The following SNX27 variants were observed in gnomAD, a reference collection of about 807,000 sequenced individuals.
SNX27 encodes the protein sorting nexin 27, also known as sorting nexin-27.
Under a neutral mutation model 71.6 loss-of-function variants are expected in SNX27, and 22 were observed. The ratio of observed to expected loss-of-function variants is 0.31; its 90% CI spans 0.22 to 0.44. The LOEUF is 0.44. Among genes scored for constraint, SNX27 ranks in the 20% least tolerant of loss-of-function variants. The pLI is 1.00. For synonymous variants in SNX27, 269 were observed against 277.2 expected, an observed-to-expected ratio of 0.97 and a Z score of 0.29; for missense variants, 531 against 698.6, an observed-to-expected ratio of 0.76 and a Z score of 2.70.
rs2102695578 is a variant in SNX27 at position 151,668,599 on chromosome 1, T to C, written c.1113T>C (p.Asn371=). ...LFTTEEEILL[N]DNDLAVTYFF... is the part of the protein sequence containing the mutation. ...CAACAGAAGAAGAAATTCTCTTAAA[T>C]GACAATGACCTTGCTGTTACCTACT... The change falls in exon 7 of 12, where the codon AAT becomes AAC. Residue 371 remains asparagine, a synonymous_variant. Coordinates refer to ENST00000458013, the MANE Select transcript of SNX27 (RefSeq NM_001330723.2). 1 of 1,614,022 alleles carries C rather than the reference T, an allele frequency of 6.2e-7. No homozygotes were observed. Among genetic ancestry groups the C allele is most frequent in the East Asian group, 2.2e-5 (1 of 44,856 alleles).
At chr1:151,630,461 A>G (rs965337913) in intron 1 of SNX27, among the ~76,000 whole-genome samples, 3 of 152,168 alleles carry the variant, frequency 2.0e-5, no homozygotes, top group Non-Finnish European at 4.4e-5. Context: ...AGAAAATGCA[A>G]GCATTTTGGA....
At chr1:151,640,128 C>T (rs1668658548) in intron 2 of SNX27, among the ~76,000 whole-genome samples, 1 of 152,156 alleles carries the variant, frequency 6.6e-6, no homozygotes, top group African/African-American at 2.4e-5. Flanking sequence ...CTGTAATTAG[C>T]TGTAGATAAT....
chr1:151,651,133 G>A (rs1382536034), intron 2 of SNX27, among the ~76,000 whole-genome samples: 1 of 152,034 alleles, frequency 6.6e-6, no homozygotes, highest in Non-Finnish European at 1.5e-5. Context: ...TCCCAGACGG[G>A]GTGGTGGCCG....
intron 1 of SNX27, among the ~76,000 whole-genome samples, chr1:151,620,279 T>G (rs1240335817): frequency 6.6e-6 from 1 of 152,226 alleles, no homozygotes; most frequent in Non-Finnish European, 1.5e-5. Context: ...TAGCTGTGTG[T>G]GCATTAATAC....
chr1:151,693,781 G>C (rs1266499065), intron 11 of SNX27: 2 of 1,475,478 alleles, frequency 1.4e-6, no homozygotes, highest in Non-Finnish European at 1.8e-6. Flanking sequence ...TTTTAAATCA[G>C]ATCACCCTCC....
rs557796615 is a variant in SNX27 at position 151,698,911 on chromosome 1, A to G, written c.*4494A>G. The G allele has an allele frequency of 6.5e-6, 1 of 152,698 alleles. No homozygotes were observed. Among genetic ancestry groups the G allele is most frequent in the East Asian group, 1.9e-4 (1 of 5,182 alleles). 9.5% of individuals were successfully genotyped at this position (152,698 alleles called of 1,614,324 possible). A position where few individuals can be genotyped will look rare whatever the true frequency, so the allele number is the denominator to read the frequency against. On this transcript the variant is annotated 3_prime_UTR_variant, in exon 12 of 12. Coordinates refer to ENST00000458013, the MANE Select transcript of SNX27 (RefSeq NM_001330723.2). ...TTCACTGCAGTATCTTGTATTTTTTATTTGTGATTTAAGAAATGTGAAGAG... is the reference window on the plus strand; with the variant it reads ...TTCACTGCAGTATCTTGTATTTTTTGTTTGTGATTTAAGAAATGTGAAGAG...
intron 1 of SNX27, among the ~76,000 whole-genome samples, chr1:151,630,628 G>T (rs1558039671): frequency 6.6e-6 from 1 of 152,184 alleles, no homozygotes; most frequent in Non-Finnish European, 1.5e-5. Context: ...GTTTAAATCT[G>T]TTCAAGCTTC....
At chr1:151,692,166 G>T (rs1671481179) in intron 8 of SNX27, among the ~76,000 whole-genome samples, 1 of 152,082 alleles carries the variant, frequency 6.6e-6, no homozygotes, top group Non-Finnish European at 1.5e-5. Context: ...TGAGGTTTCA[G>T]TGAGCCAAGA....
chr1:151,625,312 C>G (rs1435108743), intron 1 of SNX27, among the ~76,000 whole-genome samples: 1 of 152,020 alleles, frequency 6.6e-6, no homozygotes, highest in African/African-American at 2.4e-5. Context: ...TCGAGACTAG[C>G]CTGGCCAACA....
At chr1:151,635,123 G>A (rs1267870470) in intron 1 of SNX27, among the ~76,000 whole-genome samples, 1 of 152,144 alleles carries the variant, frequency 6.6e-6, no homozygotes, top group Non-Finnish European at 1.5e-5. Context: ...GGAAATTGCT[G>A]GTAGAAAAGG....
At chr1:151,657,757 G>A (rs1439340624) in intron 2 of SNX27, among the ~76,000 whole-genome samples, 3 of 152,076 alleles carry the variant, frequency 2.0e-5, no homozygotes, top group South Asian at 2.1e-4. Flanking sequence ...CCTGCTGGGT[G>A]CGGTGGTTCA....
rs1671885882 is a variant in SNX27, at chr1:151,698,459, C to T, written c.*4042C>T. On this transcript the variant is annotated 3_prime_UTR_variant, in exon 12 of 12. Transcript: ENST00000458013. ...AAGCTGTTTGATCTGTTGACCCCAG[C>T]ATACTGCTGTTTCTTCACCAGCTTC... 6.6e-6 allele frequency: 1 copy of T among 152,592 alleles called. No homozygotes were observed. The allele number at this position is 152,592 out of a possible 1,614,324, so 9.5% of individuals were successfully genotyped here. A position where few individuals can be genotyped will look rare whatever the true frequency, so the allele number is the denominator to read the frequency against.
rs1671634337 is a variant in SNX27, at chr1:151,694,973, A to C, written c.*556A>C. ...GAAACAAACTTTAAAAAGGAAAAAAAAGCATTTTACAGGGAAAAATACCTC... is the reference window on the plus strand; with the variant it reads ...GAAACAAACTTTAAAAAGGAAAAAACAGCATTTTACAGGGAAAAATACCTC... On this transcript the variant is annotated 3_prime_UTR_variant, in exon 12 of 12. Coordinates refer to ENST00000458013, the MANE Select transcript of SNX27 (RefSeq NM_001330723.2). The C allele has an allele frequency of 6.6e-6, 1 of 152,580 alleles. No individual in the cohort carries two copies. Among genetic ancestry groups the C allele is most frequent in the African/African-American group, 2.4e-5 (1 of 41,422 alleles). 9.5% of individuals were successfully genotyped at this position (152,580 alleles called of 1,614,324 possible). A position where few individuals can be genotyped will look rare whatever the true frequency, so the allele number is the denominator to read the frequency against.
At chr1:151,674,692 CTT>C (rs1218401207) in intron 7 of SNX27, among the ~76,000 whole-genome samples, 13 of 143,716 alleles carry the variant, frequency 9.0e-5, no homozygotes, top group Non-Finnish European at 7.7e-5. Context: ...TTGATTGTTT[CTT>C]TTTTTTTTTT....
intron 8 of SNX27, among the ~76,000 whole-genome samples, chr1:151,688,993 T>C (rs1454911442): frequency 6.6e-6 from 1 of 152,184 alleles, no homozygotes; most frequent in Non-Finnish European, 1.5e-5. Flanking sequence ...ACAGGTGCCC[T>C]TAGTTTTCAC....
At chr1:151,632,350 G>T (rs1017760522) in intron 1 of SNX27, among the ~76,000 whole-genome samples, 1 of 152,056 alleles carries the variant, frequency 6.6e-6, no homozygotes, top group African/African-American at 2.4e-5. Flanking sequence ...TAGAGACGGG[G>T]TTTCACCATG....
At chr1:151,654,677 C>CT (rs1177142527) in intron 2 of SNX27, among the ~76,000 whole-genome samples, 1 of 152,030 alleles carries the variant, frequency 6.6e-6, no homozygotes. Context: ...CCTGAGAAGT[C>CT]TAATATCAAG....
chr1:151,642,487 A>G (rs941379630), intron 2 of SNX27, among the ~76,000 whole-genome samples: 2 of 152,076 alleles, frequency 1.3e-5, no homozygotes, highest in Non-Finnish European at 2.9e-5. Flanking sequence ...AAATTTTGAT[A>G]TAGTCTCGTT....
chr1:151,671,181 CTA>C (rs1235213721), intron 7 of SNX27, among the ~76,000 whole-genome samples: 1 of 150,712 alleles, frequency 6.6e-6, no homozygotes, highest in Non-Finnish European at 1.5e-5. Context: ...GTTTTTGTTA[CTA>C]TAGTTCTGTA....
Sources: gnomAD v4.1 joint callset for allele counts (sites outside exome capture counted in the v4.1 genomes callset) on GRCh38, gnomAD v4.1.1 for gene constraint, MANE v1.5 for transcripts, NCBI Gene and HGNC (gene_info 2026-07-23, HGNC 2026-07-21) for gene names.